PSG11: variants seen among roughly 807,000 people sequenced by gnomAD.
PSG11 encodes the protein pregnancy specific beta-1-glycoprotein 11, also known as pregnancy-specific beta-1-glycoprotein 11.
PSG11 carries 42 observed loss-of-function variants against 36.0 expected under a neutral mutation model. That is an observed-to-expected ratio of 1.17 (90% CI 0.91 to 1.51). The LOEUF is 1.51. Among genes scored for constraint, PSG11 ranks in the 40% most tolerant of loss-of-function variants. The pLI, the probability that PSG11 is intolerant of heterozygous loss-of-function variation, is 0.00. For synonymous variants in PSG11, 206 were observed against 153.5 expected (o/e 1.34, Z -2.53); for missense variants, 558 against 403.5 (o/e 1.38, Z -3.28).
rs541129916 is a variant in PSG11, at chr19:43,018,620, G to C, written c.709+150C>G. ...TGTGGATCAAGCCTAGGCCTACTGT[G>C]GTTTGTCTGGGGCAGAAAGTCATGG... On this transcript the variant is annotated intron_variant, in intron 3 of 5. Transcript: ENST00000320078. 42 of 1,546,716 alleles carry C rather than the reference G, an allele frequency of 2.7e-5. 1 individual carries two copies. In the Admixed American group the frequency reaches 6.7e-4, roughly 25 times the overall value.
intron 2 of PSG11, chr19:43,024,453 C>G (rs1377333790): frequency 1.3e-5 from 8 of 597,532 alleles, no homozygotes; most frequent in Admixed American, 3.0e-5. Flanking sequence ...TGCTGAGTCC[C>G]CCCATCAGAC....
intron 2 of PSG11, chr19:43,019,780 G>A (rs369768167): frequency 2.6e-5 from 4 of 151,938 alleles, no homozygotes; most frequent in Admixed American, 6.6e-5. Context: ...CCTGTTGTGG[G>A]TCTATGATGC....
At chr19:43,016,474 A>G (rs139142651) in intron 3 of PSG11, among the ~76,000 whole-genome samples, 12 of 150,930 alleles carry the variant, frequency 8.0e-5, no homozygotes, top group Non-Finnish European at 1.8e-4. Flanking sequence ...TTCCAAGGAC[A>G]TTCTAGAGAT....
Position 43,024,622 on chromosome 19 carries a change from A to G in PSG11, c.430+69T>C, listed in dbSNP as rs897265959. On this transcript the variant is annotated intron_variant, in intron 2 of 5. Coordinates refer to ENST00000320078, the MANE Select transcript of PSG11 (RefSeq NM_002785.3). Reference sequence around the variant, plus strand: ...GACACAGGCAATGTCCAGGCCTGACAATCCTGTGTGTGTGATGTAGAAGTG... The same window carrying G: ...GACACAGGCAATGTCCAGGCCTGACGATCCTGTGTGTGTGATGTAGAAGTG... The G allele has an allele frequency of 5.1e-5, 82 of 1,607,148 alleles. 4 individuals carry two copies. The Middle Eastern group carries it at 6.6e-4, about 13-fold the overall frequency.
At chr19:43,020,815 T>C (rs375296003) in intron 2 of PSG11, among the ~76,000 whole-genome samples, 2,853 of 150,668 alleles carry the variant, frequency 0.019, 134 homozygotes, top group African/African-American at 0.065. Flanking sequence ...AGAAAGAACT[T>C]CCTGCTTCTA....
chr19:43,023,107 G>T (rs1967142908), intron 2 of PSG11, among the ~76,000 whole-genome samples: 1 of 150,764 alleles, frequency 6.6e-6, no homozygotes, highest in Admixed American at 6.6e-5. Context: ...GGACCAAGGA[G>T]CCCCGAGAAC....
intron 4 of PSG11, chr19:43,010,525 C>T: frequency 4.4e-6 from 3 of 685,458 alleles, no homozygotes; most frequent in Admixed American, 5.5e-5. Context: ...GGTGTGAAAG[C>T]AAGCCTAGTT....
chr19:43,010,562 G>A lies in PSG11; in HGVS notation c.965-521C>T, dbSNP rs113068816. On this transcript the variant is annotated intron_variant, in intron 4 of 5. Coordinates refer to ENST00000320078, the MANE Select transcript of PSG11 (RefSeq NM_002785.3). ...TCTGAGGCTCTCTTTAACGCTAATG[G>A]GTGACTGGTTGGAGGATTCCTCATC... 9.0e-3 allele frequency: 4,422 copies of A among 491,756 alleles called. 289 individuals are homozygous for A. The highest frequency in any genetic ancestry group is 0.077 in the African/African-American group (3,798 of 49,248). 30.5% of individuals were successfully genotyped at this position (491,756 alleles called of 1,614,324 possible). A position where few individuals can be genotyped will look rare whatever the true frequency, so the allele number is the denominator to read the frequency against.
chr19:43,020,069 G>A (rs1228019449), intron 2 of PSG11, among the ~76,000 whole-genome samples: 2 of 151,376 alleles, frequency 1.3e-5, no homozygotes, highest in Admixed American at 1.3e-4. Flanking sequence ...TCAGAGTGTA[G>A]AATAGTAGTT....
intron 2 of PSG11, among the ~76,000 whole-genome samples, chr19:43,022,075 C>G (rs1235973718): frequency 6.6e-6 from 1 of 151,494 alleles, no homozygotes; most frequent in Non-Finnish European, 1.5e-5. Flanking sequence ...AACACCCTTA[C>G]TTTGCCCAGG....
Position 43,018,811 on chromosome 19 carries a change from C to A in PSG11, c.668G>T (p.Gly223Val). The A allele has an allele frequency of 1.2e-6, 2 of 1,612,032 alleles. No homozygotes were observed. Among genetic ancestry groups the A allele is most frequent in the Non-Finnish European group, 1.7e-6 (2 of 1,179,054 alleles). The change falls in exon 3 of 6, where the codon GGG (glycine) becomes GTG (valine). Residue 223 changes from glycine (G) to valine (V), a missense_variant. Physicochemically the swap from Gly to Val is moderately radical, Grantham distance 109 (BLOSUM62 -3). Transcript: ENST00000320078. ...GACTGGGTCACTGCGGCTGGCACTC[C>A]CTGAGTTCCATATTTCACATTCATA... ...GPYECEIWNS[G>V]SASRSDPVTL...
chr19:43,015,416 G>T (rs770104235), intron 3 of PSG11, 46 bp from the exon 4 acceptor site: 10 of 1,572,962 alleles, frequency 6.4e-6, no homozygotes, highest in Non-Finnish European at 8.6e-6. Flanking sequence ...TCTGAGGGAA[G>T]GGGAAGCTCC....
rs1966946521 is a variant in PSG11 at position 43,015,714 on chromosome 19, C to G, written c.710-344G>C. 4.4e-6 allele frequency: 7 copies of G among 1,600,034 alleles called. No individual in the cohort carries two copies. The East Asian group carries it at 1.6e-4, about 36-fold the overall frequency. On this transcript the variant is annotated intron_variant, in intron 3 of 5. Coordinates refer to ENST00000320078, the MANE Select transcript of PSG11 (RefSeq NM_002785.3). ...GGAGAGAGACTGAGAGGCCTGGCCCCTGGTCGTTTGGATTTAAGCTGGTGT... is the reference window on the plus strand; with the variant it reads ...GGAGAGAGACTGAGAGGCCTGGCCCGTGGTCGTTTGGATTTAAGCTGGTGT...
Position 43,018,908 on chromosome 19 carries a change from G to A in PSG11, c.571C>T (p.His191Tyr). The A allele has an allele frequency of 6.2e-7, 1 of 1,612,024 alleles. No homozygotes were observed. Among genetic ancestry groups the A allele is most frequent in the Non-Finnish European group, 8.5e-7 (1 of 1,179,088 alleles). Residue 191 changes from histidine (H) to tyrosine (Y), a missense_variant, in exon 3 of 6, where the codon CAT (histidine) becomes TAT (tyrosine). Transcript: ENST00000320078. Reference sequence around the variant, plus strand: ...TTGGTTTCAGACAGCTGCATCCTATGAGTCATAGGGAGGCTCTGACCATTC... The same window carrying A: ...TTGGTTTCAGACAGCTGCATCCTATAAGTCATAGGGAGGCTCTGACCATTC... ...WMNGQSLPMT[H>Y]RMQLSETNRT...
Position 43,022,629 on chromosome 19 carries a change from G to T in PSG11, c.430+2062C>A, listed in dbSNP as rs1309757208. 2.0e-5 allele frequency among the ~76,000 whole-genome samples: 3 copies of T among 151,264 alleles called. 1 individual carries two copies. The highest frequency in any genetic ancestry group is 7.3e-5 in the African/African-American group (3 of 41,002). ...GTGTTTGTGTGTGTGTGTGCAGGAG[G>T]CCAGAAGAACTTGTCTGACAATGAT... On this transcript the variant is annotated intron_variant, in intron 2 of 5. Coordinates refer to ENST00000320078, the MANE Select transcript of PSG11 (RefSeq NM_002785.3).
At chr19:43,017,044 G>A (rs575369155) in intron 3 of PSG11, among the ~76,000 whole-genome samples, 1 of 151,346 alleles carries the variant, frequency 6.6e-6, no homozygotes, top group African/African-American at 2.4e-5. Context: ...TCATGTAAAT[G>A]GATTCCAGAG....
Position 43,026,346 on chromosome 19 carries a change from G to T in PSG11, c.27C>A (p.Cys9Ter), listed in dbSNP as rs1405286605. Residue 9 changes from cysteine (C) to a stop codon, truncating the protein, a stop_gained, in exon 1 of 6, where the codon TGC becomes TGA. Coordinates refer to ENST00000320078, the MANE Select transcript of PSG11 (RefSeq NM_002785.3). LOFTEE classifies it high-confidence loss of function. MGPLSAPP[C>*]TEHIKWKGLL... ...GCCCCTTCCATTTGATGTGCTCTGTGCAGGGAGGGGCTGAGAGGGGCCCCA... is the reference window on the plus strand; with the variant it reads ...GCCCCTTCCATTTGATGTGCTCTGTTCAGGGAGGGGCTGAGAGGGGCCCCA... 6.2e-7 allele frequency: 1 copy of T among 1,610,850 alleles called. No homozygotes were observed. Among genetic ancestry groups the T allele is most frequent in the Non-Finnish European group, 8.5e-7 (1 of 1,178,592 alleles).
At chr19:43,017,809 G>A (rs992569051) in intron 3 of PSG11, among the ~76,000 whole-genome samples, 4 of 151,276 alleles carry the variant, frequency 2.6e-5, no homozygotes, top group African/African-American at 7.3e-5. Context: ...AGTTTTCAAG[G>A]TATAATCATT....
At chr19:43,022,555 A>G (rs2122826484) in intron 2 of PSG11, among the ~76,000 whole-genome samples, 1 of 151,484 alleles carries the variant, frequency 6.6e-6, no homozygotes, top group South Asian at 2.1e-4. Context: ...GCAGACTTGG[A>G]GTCATTAAAA....
Sources: allele counts gnomAD v4.1 joint callset (sites outside exome capture counted in the v4.1 genomes callset), GRCh38; gene constraint gnomAD v4.1.1; transcripts MANE v1.5; gene names NCBI Gene and HGNC (gene_info 2026-07-23, HGNC 2026-07-21).